The following SCAMP5 variants were observed in gnomAD, a reference collection of about 807,000 sequenced individuals.
The protein encoded by SCAMP5 is secretory carrier membrane protein 5, also known as secretory carrier-associated membrane protein 5.
Under a neutral mutation model 28.3 loss-of-function variants are expected in SCAMP5, and 7 were observed. That is an observed-to-expected ratio of 0.25 (90% CI 0.14 to 0.46). The LOEUF is 0.46. Ranked by LOEUF, SCAMP5 falls within the 20% of genes least tolerant of loss-of-function variation. SCAMP5 has a pLI of 0.99. For missense variants in SCAMP5, 192 were observed against 312.5 expected (o/e 0.61, Z 2.91); for synonymous variants, 117 against 116.4 (o/e 1.00, Z -0.03).
intron 1 of SCAMP5, chr15:74,995,901 C>T (rs1041328617): frequency 2.6e-5 from 4 of 153,542 alleles, no homozygotes; most frequent in African/African-American, 9.6e-5. Flanking sequence ...CCAAGCCCCC[C>T]CATTCCCATC....
At chr15:75,007,998 C>A (rs1398617985) in intron 1 of SCAMP5, among the ~76,000 whole-genome samples, 3 of 152,120 alleles carry the variant, frequency 2.0e-5, no homozygotes, top group Non-Finnish European at 4.4e-5. Context: ...CTGCACCCGG[C>A]CTGTTTGCAG....
intron 1 of SCAMP5, among the ~76,000 whole-genome samples, chr15:74,997,815 A>C (rs1006876691): frequency 6.6e-6 from 1 of 152,150 alleles, no homozygotes; most frequent in African/African-American, 2.4e-5. Context: ...TAGGACAGGG[A>C]CAGCATGGCC....
chr15:75,016,598 A>G lies in SCAMP5; in HGVS notation c.142A>G (p.Ser48Gly), dbSNP rs2065861483. Reference sequence around the variant, plus strand: ...ATGTGCTCCTGGGCCTGCAGTGAACAGCGTCACGCTGGCCGTGAACCTGGT... The same window carrying G: ...ATGTGCTCCTGGGCCTGCAGTGAACGGCGTCACGCTGGCCGTGAACCTGGT... ...KRLYYLWMLN[S>G]VTLAVNLVGC... The change falls in exon 4 of 7, where the codon AGC becomes GGC. Residue 48 changes from serine to glycine, a missense_variant. By Grantham distance (56) the Ser-to-Gly change is moderately conservative. Transcript: ENST00000425597. The G allele has an allele frequency of 1.2e-6, 2 of 1,612,434 alleles. No individual in the cohort carries two copies. Among genetic ancestry groups the G allele is most frequent in the Non-Finnish European group, 1.7e-6 (2 of 1,179,536 alleles).
chr15:75,018,709 TACAGATGGG>T lies in SCAMP5; in HGVS notation c.514-79_514-71del. ...TGGGGAGGGAGCACTGTTTTTTTTTTACAGATGGGTCCCATCTATTTCCTGGATGGGCTG... is the reference window on the plus strand; with the variant it reads ...TGGGGAGGGAGCACTGTTTTTTTTTTTCCCATCTATTTCCTGGATGGGCTG... On this transcript the variant is annotated intron_variant, in intron 6 of 6. Transcript: ENST00000425597. The surrounding 1 kb of genome is among the most constrained non-coding windows in gnomAD (Gnocchi z 5.6). 8.7e-7 allele frequency: 1 copy of T among 1,152,246 alleles called. No homozygotes were observed. The highest frequency in any genetic ancestry group is 1.3e-5 in the South Asian group (1 of 76,326). 71.4% of individuals were successfully genotyped at this position (1,152,246 alleles called of 1,614,324 possible).
At position 75,012,825 on chromosome 15, in the gene SCAMP5, G is replaced by A; in HGVS notation, c.136+20G>A. ...GGATGTGTGAGTGCCATGGGATGGG[G>A]GTGGGCCAGGGTGGCTGGAGGAGGC... On this transcript the variant is annotated intron_variant, in intron 3 of 6. Coordinates refer to ENST00000425597, the MANE Select transcript of SCAMP5 (RefSeq NM_138967.4). 6.2e-7 allele frequency: 1 copy of A among 1,613,726 alleles called. No individual in the cohort carries two copies. Among genetic ancestry groups the A allele is most frequent in the Middle Eastern group, 1.7e-4 (1 of 6,060 alleles).
chr15:75,018,781 T>C lies in SCAMP5; in HGVS notation c.514-8T>C, dbSNP rs1453574553. On this transcript the variant is annotated splice_region_variant and splice_polypyrimidine_tract_variant and intron_variant, in intron 6 of 6. Transcript: ENST00000425597. This position sits in a 1 kb window ranked among gnomAD's most constrained non-coding sequence, Gnocchi z 5.6. ...GATTAACCCTTCTTTACGCTCTTTTTCCTACAGGTTCATAAATTTTACCGG... is the reference window on the plus strand; with the variant it reads ...GATTAACCCTTCTTTACGCTCTTTTCCCTACAGGTTCATAAATTTTACCGG... 1.2e-6 allele frequency: 2 copies of C among 1,604,138 alleles called. No homozygotes were observed. Among genetic ancestry groups the C allele is most frequent in the Non-Finnish European group, 1.7e-6 (2 of 1,173,932 alleles).
At chr15:75,009,441 T>TTG (rs3057655) in intron 1 of SCAMP5, among the ~76,000 whole-genome samples, 17,879 of 135,898 alleles carry the variant, frequency 0.13, 1,259 homozygotes, top group African/African-American at 0.21. Context: ...TGCTAGAAGT[T>TTG]TGTGTGTGTG....
chr15:74,997,377 C>T (rs2141418643), intron 1 of SCAMP5: 1 of 152,350 alleles, frequency 6.6e-6, no homozygotes, highest in South Asian at 2.1e-4. Flanking sequence ...CTCCCTCCCA[C>T]CCATTGGGAA....
At chr15:75,009,899 C>T (rs1475088398) in intron 1 of SCAMP5, 1 of 152,218 alleles carries the variant, frequency 6.6e-6, no homozygotes, top group Admixed American at 6.5e-5. Context: ...AGAACCCCGA[C>T]CAAGAACAGA....
At position 74,996,731 on chromosome 15, in the gene SCAMP5, G is replaced by C. The variant is rs2065657855; in HGVS notation, c.-49+1058G>C. The stretch of plus-strand genomic sequence containing the variant: ...CTGTCCCCTACATGTTCTGCCTCAC[G>C]GAGCAGGGCTCTGAAAGAGGGAGAT... On this transcript the variant is annotated intron_variant, in intron 1 of 6. Transcript: ENST00000425597. The surrounding 1 kb of genome is among the most constrained non-coding windows in gnomAD (Gnocchi z 4.1). 6.6e-6 allele frequency among the ~76,000 whole-genome samples: 1 copy of C among 152,210 alleles called. No individual in the cohort carries two copies. The highest frequency in any genetic ancestry group is 2.4e-5 in the African/African-American group (1 of 41,442).
At chr15:75,008,497 T>C (rs2065781736) in intron 1 of SCAMP5, among the ~76,000 whole-genome samples, 1 of 151,328 alleles carries the variant, frequency 6.6e-6, no homozygotes, top group African/African-American at 2.4e-5. Flanking sequence ...AGCTCATCTT[T>C]ATTCTTTTTT....
chr15:75,016,676 G>C lies in SCAMP5; in HGVS notation c.220G>C (p.Ala74Pro). The change falls in exon 4 of 7, where the codon GCC becomes CCC. Residue 74 changes from alanine to proline, a missense_variant. Coordinates refer to ENST00000425597, the MANE Select transcript of SCAMP5 (RefSeq NM_138967.4). ...CGGGGGAGCCACCAACTTTGGCCTC[G>C]CCTTTCTCTGGCTCATCCTCTTCAC... is the stretch of plus-strand genomic sequence containing the variant. ...GGGGATNFGL[A>P]FLWLILFTPC... 1.2e-6 allele frequency: 2 copies of C among 1,613,856 alleles called. No homozygotes were observed. Among genetic ancestry groups the C allele is most frequent in the Non-Finnish European group, 1.7e-6 (2 of 1,179,862 alleles).
At chr15:75,001,420 G>GATTTA (rs1475524538) in intron 1 of SCAMP5, among the ~76,000 whole-genome samples, 4 of 152,094 alleles carry the variant, frequency 2.6e-5, no homozygotes, top group Non-Finnish European at 1.5e-5. Context: ...ATTGCTCCTT[G>GATTTA]ATTTAGCTGG....
At chr15:75,008,991 T>TTCTTATTA (rs2065786670) in intron 1 of SCAMP5, among the ~76,000 whole-genome samples, 1 of 152,232 alleles carries the variant, frequency 6.6e-6, no homozygotes. Flanking sequence ...GGAAAATATA[T>TTCTTATTA]TCTTATTATC....
Position 75,019,261 on chromosome 15 carries a change from G to A in SCAMP5, c.*278G>A. On this transcript the variant is annotated 3_prime_UTR_variant, in exon 7 of 7. Transcript: ENST00000425597. ...GTCCCCTCGTGAAATAGTGTGCAGT[G>A]GAGGTCTCTTGTGGTGCTAGATGTG... The A allele has an allele frequency of 4.3e-6, 1 of 235,292 alleles. No individual in the cohort carries two copies. Among genetic ancestry groups the A allele is most frequent in the Non-Finnish European group, 8.0e-6 (1 of 124,230 alleles). The allele number at this position is 235,292 out of a possible 1,614,324, so 14.6% of individuals were successfully genotyped here.
In SCAMP5 at chr15:75,019,264, G is replaced by A. The variant is rs1409165762; in HGVS notation, c.*281G>A. The A allele has an allele frequency of 4.5e-6, 1 of 223,818 alleles. No individual in the cohort carries two copies. Among genetic ancestry groups the A allele is most frequent in the Non-Finnish European group, 8.6e-6 (1 of 116,676 alleles). 13.9% of individuals were successfully genotyped at this position (223,818 alleles called of 1,614,324 possible). A position where few individuals can be genotyped will look rare whatever the true frequency, so the allele number is the denominator to read the frequency against. Reference sequence around the variant, plus strand: ...CCCTCGTGAAATAGTGTGCAGTGGAGGTCTCTTGTGGTGCTAGATGTGTGT... The same window carrying A: ...CCCTCGTGAAATAGTGTGCAGTGGAAGTCTCTTGTGGTGCTAGATGTGTGT... On this transcript the variant is annotated 3_prime_UTR_variant, in exon 7 of 7. Transcript: ENST00000425597.
intron 1 of SCAMP5, among the ~76,000 whole-genome samples, chr15:75,000,770 A>G (rs528216569): frequency 1.4e-5 from 2 of 142,618 alleles, no homozygotes; most frequent in Middle Eastern, 3.9e-3. Context: ...AATACTGCCC[A>G]TGGTCTTCAA....
chr15:75,017,839 C>T, intron 4 of SCAMP5, 31 bp from the exon 5 acceptor site: 1 of 1,457,784 alleles, frequency 6.9e-7, no homozygotes, highest in South Asian at 1.1e-5. Context: ...GCCCTCTGCC[C>T]AGGTGACGGG....
chr15:75,011,948 G>T, intron 2 of SCAMP5, 102 bp downstream of exon 2: 1 of 947,568 alleles, frequency 1.1e-6, no homozygotes, highest in Non-Finnish European at 1.7e-6. Flanking sequence ...TGGAGGCCAG[G>T]TTCTTTCCAT....
Sources: gnomAD v4.1 joint callset for allele counts (sites outside exome capture counted in the v4.1 genomes callset) on GRCh38, gnomAD v4.1.1 for gene constraint, Gnocchi (gnomAD v3.1) non-coding constraint, MANE v1.5 for transcripts, NCBI Gene and HGNC (gene_info 2026-07-23, HGNC 2026-07-21) for gene names.